Variants in CLCN4 observed in about 807,000 individuals in gnomAD.
The protein encoded by CLCN4 is Cl-/H+ antiporter 4, also known as H(+)/Cl(-) exchange transporter 4.
In CLCN4, 1 loss-of-function variant was observed where a neutral mutation model predicts 41.7. The observed-to-expected ratio is 0.02, with a 90% CI of 0.01 to 0.11. The LOEUF (loss-of-function observed/expected upper bound fraction) is 0.11, where lower values mean the gene tolerates loss of function less well. CLCN4 is among the 10% of genes least tolerant of loss of function. CLCN4 has a pLI of 1.00. For synonymous variants in CLCN4, 277 were observed against 285.8 expected (o/e 0.97, Z 0.31); for missense variants, 287 against 661.0 (o/e 0.43, Z 6.20).
rs1277416463 is a variant in CLCN4, at chrX:10,157,118, C to G, written c.-275+18C>G. 5 of 296,064 alleles carry G rather than the reference C, an allele frequency of 1.7e-5. No homozygotes were observed. Among genetic ancestry groups the G allele is most frequent in the Non-Finnish European group, 2.9e-5 (5 of 169,799 alleles). The allele number at this position is 296,064 out of a possible 1,213,427, so 24.4% of individuals were successfully genotyped here. ...AGCGGAAGGTAAGCTGCTTATCACT[C>G]AGAAAAACAAATTTGAGAGGAGTGA... On this transcript the variant is annotated intron_variant, in intron 1 of 12. Coordinates refer to ENST00000380833, the MANE Select transcript of CLCN4 (RefSeq NM_001830.4).
At chrX:10,226,829 C>A (rs1319077153) in intron 12 of CLCN4, among the ~76,000 whole-genome samples, 1 of 110,834 alleles carries the variant, frequency 9.0e-6, no homozygotes, top group African/African-American at 3.3e-5. Flanking sequence ...GATGCATACA[C>A]CCTCCCAAGA....
intron 6 of CLCN4, among the ~76,000 whole-genome samples, chrX:10,203,352 G>A (rs1188373240): frequency 2.7e-5 from 3 of 111,582 alleles, no homozygotes; most frequent in African/African-American, 9.8e-5. Context: ...CACTAGTTAA[G>A]GACGGGTCTA....
At chrX:10,210,962 T>C (rs1040446118) in intron 9 of CLCN4, among the ~76,000 whole-genome samples, 2 of 106,667 alleles carry the variant, frequency 1.9e-5, no homozygotes, top group African/African-American at 6.9e-5. Flanking sequence ...TTGTCTTTTT[T>C]TTTTTTTTTT....
intron 9 of CLCN4, among the ~76,000 whole-genome samples, chrX:10,211,265 C>CAAAAAAAAAAAA (rs71774120): frequency 2.0e-5 from 1 of 48,802 alleles, no homozygotes; most frequent in Non-Finnish European, 3.3e-5. Flanking sequence ...GATTCCGTCT[C>CAAAAAAAAAAAA]AAAAAAAAAA....
chrX:10,163,156 C>T (rs1439262728), intron 2 of CLCN4, among the ~76,000 whole-genome samples: 2 of 113,133 alleles, frequency 1.8e-5, no homozygotes, highest in African/African-American at 3.2e-5. Flanking sequence ...CAGAGGTCCT[C>T]GCCTTACCTG....
intron 2 of CLCN4, among the ~76,000 whole-genome samples, chrX:10,180,048 T>A (rs957364658): frequency 8.9e-6 from 1 of 112,171 alleles, no homozygotes; most frequent in Non-Finnish European, 1.9e-5. Context: ...ATATTGAAGA[T>A]CCAAATATCT....
At position 10,181,035 on chromosome X, in the gene CLCN4, TC is replaced by T. The variant is rs757201395; in HGVS notation, c.-11-3985del. On this transcript the variant is annotated intron_variant, in intron 2 of 12. Coordinates refer to ENST00000380833, the MANE Select transcript of CLCN4 (RefSeq NM_001830.4). ...CCTGGGTGAGGATGGTCTTGCTGAG[TC>T]CAATGAGACCCCAGTACCAGGATAG... Among the ~76,000 whole-genome samples, 512 of 109,341 alleles carry T rather than the reference TC, an allele frequency of 4.7e-3. 4 individuals are homozygous for T. Among genetic ancestry groups the T allele is most frequent in the African/African-American group, 0.016 (491 of 29,996 alleles). 94.9% of individuals were successfully genotyped at this position (109,341 alleles called of 115,157 possible).
intron 9 of CLCN4, among the ~76,000 whole-genome samples, chrX:10,212,071 G>C (rs1370339753): frequency 9.0e-6 from 1 of 111,539 alleles, no homozygotes; most frequent in Non-Finnish European, 1.9e-5. Flanking sequence ...CCATTTTCAT[G>C]CTGTGGCTTG....
intron 2 of CLCN4, among the ~76,000 whole-genome samples, chrX:10,182,361 G>A (rs1036136930): frequency 1.8e-5 from 2 of 112,845 alleles, no homozygotes; most frequent in African/African-American, 3.2e-5. Context: ...TGCATGGTTG[G>A]ATGGGGCCAA....
chrX:10,204,438 G>A (rs1037873087), intron 6 of CLCN4, among the ~76,000 whole-genome samples: 1 of 110,946 alleles, frequency 9.0e-6, no homozygotes, highest in Non-Finnish European at 1.9e-5. Flanking sequence ...GTTGTATTAA[G>A]AATATTTTCA....
chrX:10,199,676 AT>A (rs1212806358), intron 6 of CLCN4, among the ~76,000 whole-genome samples: 1 of 112,608 alleles, frequency 8.9e-6, no homozygotes, highest in Non-Finnish European at 1.9e-5. Context: ...AATTTGAGTT[AT>A]GCTCAAATTC....
Position 10,218,120 on chromosome X carries a change from A to G in CLCN4, c.1976-2541A>G, listed in dbSNP as rs191403410. Among the ~76,000 whole-genome samples the G allele has an allele frequency of 1.1e-3, 120 of 111,864 alleles. 3 individuals are homozygous for G. The East Asian group carries it at 0.022, about 20-fold the overall frequency. Reference sequence around the variant, plus strand: ...GAATATATGACAAACCTCCTACATTAAAGACAGTTTTAAAAACAGTTTAAC... The same window carrying G: ...GAATATATGACAAACCTCCTACATTGAAGACAGTTTTAAAAACAGTTTAAC... On this transcript the variant is annotated intron_variant, in intron 11 of 12. Coordinates refer to ENST00000380833, the MANE Select transcript of CLCN4 (RefSeq NM_001830.4).
chrX:10,186,745 TC>T, intron 3 of CLCN4, among the ~76,000 whole-genome samples: 1 of 112,071 alleles, frequency 8.9e-6, no homozygotes, highest in East Asian at 2.8e-4. Flanking sequence ...GCAGACTGCA[TC>T]CTGCGGGCCA....
At chrX:10,160,020 T>C (rs2147154820) in intron 2 of CLCN4, among the ~76,000 whole-genome samples, 1 of 110,416 alleles carries the variant, frequency 9.1e-6, no homozygotes, top group East Asian at 2.9e-4. Flanking sequence ...CTCCTTGTGG[T>C]GAGGCTGTCC....
At chrX:10,214,335 G>A (rs949047102) in intron 11 of CLCN4, among the ~76,000 whole-genome samples, 7 of 112,638 alleles carry the variant, frequency 6.2e-5, no homozygotes, top group Non-Finnish European at 5.6e-5. Flanking sequence ...ACACTGTAAG[G>A]AAAAAGGCTT....
chrX:10,224,612 C>T, intron 12 of CLCN4, among the ~76,000 whole-genome samples: 1 of 110,986 alleles, frequency 9.0e-6, no homozygotes, highest in Non-Finnish European at 1.9e-5. Flanking sequence ...TTTAAAGTTC[C>T]GGGATACATG....
At chrX:10,215,496 G>A (rs987595578) in intron 11 of CLCN4, among the ~76,000 whole-genome samples, 3 of 111,772 alleles carry the variant, frequency 2.7e-5, no homozygotes, top group Non-Finnish European at 5.6e-5. Context: ...GTTGCTTAAC[G>A]GGTAGGTAGG....
rs915582950 is a variant in CLCN4, at chrX:10,210,778, A to C, written c.1390-1689A>C. Reference sequence around the variant, plus strand: ...TCAAGTGATCCTCCTGCCTCAGCCCACTGGGACTACAGACACGTGCCACCA... The same window carrying C: ...TCAAGTGATCCTCCTGCCTCAGCCCCCTGGGACTACAGACACGTGCCACCA... On this transcript the variant is annotated intron_variant, in intron 9 of 12. Transcript: ENST00000380833. Among the ~76,000 whole-genome samples the C allele has an allele frequency of 9.1e-5, 9 of 98,522 alleles. No homozygotes were observed. The South Asian group carries it at 4.5e-3, about 50-fold the overall frequency. 85.6% of individuals were successfully genotyped at this position (98,522 alleles called of 115,157 possible).
intron 4 of CLCN4, among the ~76,000 whole-genome samples, chrX:10,189,886 G>C (rs1402489035): frequency 8.9e-6 from 1 of 112,353 alleles, no homozygotes; most frequent in African/African-American, 3.2e-5. Flanking sequence ...GCAGTAGGGG[G>C]GTTGTGAATG....
Sources: allele counts gnomAD v4.1 joint callset (sites outside exome capture counted in the v4.1 genomes callset), GRCh38; gene constraint gnomAD v4.1.1; transcripts MANE v1.5; gene names NCBI Gene and HGNC (gene_info 2026-07-23, HGNC 2026-07-21).